Variants in PTPRM observed in about 807,000 individuals in gnomAD.
The protein encoded by PTPRM is protein tyrosine phosphatase receptor type M, also known as receptor-type tyrosine-protein phosphatase mu.
PTPRM carries 47 observed loss-of-function variants against 186.7 expected under a neutral mutation model. That is an observed-to-expected ratio of 0.25 (90% confidence interval 0.20 to 0.32). The LOEUF (loss-of-function observed/expected upper bound fraction) is 0.32. PTPRM is among the 10% of genes least tolerant of loss of function. The probability of loss-of-function intolerance (pLI) is 1.00; values close to 1 mark genes in which losing one functional copy is unlikely to be tolerated. For synonymous variants in PTPRM, 668 were observed against 674.9 expected, an observed-to-expected ratio of 0.99 and a Z score of 0.16; for missense variants, 1,494 against 1,865.0, an observed-to-expected ratio of 0.80 and a Z score of 3.66.
intron 13 of PTPRM, among the ~76,000 whole-genome samples, chr18:8,125,580 A>G (rs1361017223): frequency 6.6e-6 from 1 of 151,900 alleles, no homozygotes; most frequent in Non-Finnish European, 1.5e-5. Flanking sequence ...AATTGATTTC[A>G]TTTCCCGTTA....
At chr18:8,112,354 G>A (rs575709700) in intron 11 of PTPRM, among the ~76,000 whole-genome samples, 4 of 152,324 alleles carry the variant, frequency 2.6e-5, no homozygotes, top group South Asian at 2.1e-4. Context: ...TCACATAGAC[G>A]AGAGTGTAGA....
At chr18:8,100,895 A>G (rs2091263371) in intron 11 of PTPRM, among the ~76,000 whole-genome samples, 1 of 152,178 alleles carries the variant, frequency 6.6e-6, no homozygotes, top group African/African-American at 2.4e-5. Context: ...ACTGCCTTTT[A>G]TCTTCTATGC....
intron 11 of PTPRM, among the ~76,000 whole-genome samples, chr18:8,096,877 A>T (rs1426219912): frequency 2.0e-5 from 3 of 152,220 alleles, no homozygotes; most frequent in African/African-American, 7.2e-5. Flanking sequence ...GCAAATTCCA[A>T]GAGACTGATA....
At chr18:7,641,735 A>C (rs182132386) in intron 1 of PTPRM, among the ~76,000 whole-genome samples, 12 of 152,354 alleles carry the variant, frequency 7.9e-5, no homozygotes, top group African/African-American at 2.6e-4. Context: ...ACTTTTTATG[A>C]TCAGAGAAAA....
intron 19 of PTPRM, among the ~76,000 whole-genome samples, chr18:8,265,785 G>A (rs938402245): frequency 4.6e-5 from 7 of 152,092 alleles, no homozygotes; most frequent in East Asian, 1.9e-4. Flanking sequence ...AGGAAATCAC[G>A]GAACTTCCAT....
chr18:8,211,377 C>CTTTTTTTTTTTTTTTTTTTTTTTTTT (rs970926126), intron 14 of PTPRM, among the ~76,000 whole-genome samples: 21 of 87,228 alleles, frequency 2.4e-4, no homozygotes, highest in East Asian at 3.7e-4. Context: ...GTCTCTTCTT[C>CTTTTTTTTTTTTTTTTTTTTTTTTTT]TTTTTTTTTT....
rs181304535 is a variant in PTPRM, at chr18:7,990,357, T to C, written c.1132+34943T>C. Among the ~76,000 whole-genome samples the C allele has an allele frequency of 3.3e-5, 5 of 152,344 alleles. No homozygotes were observed. In the East Asian group the frequency reaches 9.6e-4, roughly 29 times the overall value. On this transcript the variant is annotated intron_variant, in intron 7 of 32. Coordinates refer to ENST00000580170, the MANE Select transcript of PTPRM (RefSeq NM_001105244.2). Reference sequence around the variant, plus strand: ...TGTGTTCTGTGGTTTGATTCTCCTGTTCCTTCACTGTAGCTAGTTTATTTT... The same window carrying C: ...TGTGTTCTGTGGTTTGATTCTCCTGCTCCTTCACTGTAGCTAGTTTATTTT...
intron 7 of PTPRM, among the ~76,000 whole-genome samples, chr18:8,018,554 TAATC>T (rs769681073): frequency 4.6e-5 from 7 of 152,098 alleles, no homozygotes; most frequent in African/African-American, 7.2e-5. Flanking sequence ...AAAGGAAAAA[TAATC>T]AATCCACAAT....
chr18:8,072,378 CTTTG>C (rs1371931741), intron 8 of PTPRM, among the ~76,000 whole-genome samples: 2 of 152,160 alleles, frequency 1.3e-5, no homozygotes, highest in Admixed American at 6.5e-5. Flanking sequence ...GACAGAATTA[CTTTG>C]TTTGTTTAAA....
At chr18:7,914,965 C>G (rs1271856977) in intron 4 of PTPRM, among the ~76,000 whole-genome samples, 1 of 152,140 alleles carries the variant, frequency 6.6e-6, no homozygotes, top group Non-Finnish European at 1.5e-5. Context: ...GGGGTTAGGA[C>G]ATAGTCCTCT....
intron 13 of PTPRM, among the ~76,000 whole-genome samples, chr18:8,126,027 A>ATATATATTT (rs57751538): frequency 1.0e-3 from 72 of 69,478 alleles, no homozygotes; most frequent in Non-Finnish European, 1.4e-3. Context: ...ATATATATAT[A>ATATATATTT]TTTTAAATCA....
chr18:7,990,782 C>T (rs8089170), intron 7 of PTPRM, among the ~76,000 whole-genome samples: 11,087 of 152,112 alleles, frequency 0.073, 519 homozygotes, highest in Middle Eastern at 0.27. Context: ...CAAGGATAGA[C>T]TCTGTGTTAA....
chr18:8,097,202 A>G (rs1041734948), intron 11 of PTPRM, among the ~76,000 whole-genome samples: 1 of 152,200 alleles, frequency 6.6e-6, no homozygotes, highest in African/African-American at 2.4e-5. Flanking sequence ...AGTATATTAT[A>G]TTATGCTTGT....
intron 21 of PTPRM, 104 bp downstream of exon 21, chr18:8,314,961 A>T (rs1195495665): frequency 8.3e-6 from 6 of 719,796 alleles, no homozygotes; most frequent in African/African-American, 5.4e-5. Context: ...ATTAAATCAG[A>T]GTATAAAACT....
chr18:7,697,962 A>G (rs1250092140), intron 1 of PTPRM, among the ~76,000 whole-genome samples: 1 of 152,240 alleles, frequency 6.6e-6, no homozygotes, highest in African/African-American at 2.4e-5. Flanking sequence ...CATTGCTGTC[A>G]TTTTGTTCTG....
At position 7,842,930 on chromosome 18, in the gene PTPRM, G is replaced by GTATATATATA. The variant is rs1555616949; in HGVS notation, c.197-45167_197-45158dup. On this transcript the variant is annotated intron_variant, in intron 2 of 32. Coordinates refer to ENST00000580170, the MANE Select transcript of PTPRM (RefSeq NM_001105244.2). The stretch of plus-strand genomic sequence containing the variant: ...CTCATATGTGTGTGTGTGTGTGTGT[G>GTATATATATA]TATATATATATATATATAGAGAGAG... Among the ~76,000 whole-genome samples the GTATATATATA allele has an allele frequency of 7.7e-4, 78 of 100,914 alleles. 1 individual carries two copies. Among genetic ancestry groups the GTATATATATA allele is most frequent in the East Asian group, 7.5e-3 (21 of 2,812 alleles). 66.2% of individuals were successfully genotyped at this position (100,914 alleles called of 152,430 possible).
chr18:8,380,184 T>G, intron 28 of PTPRM, 112 bp from the exon 29 acceptor site: 5 of 1,176,544 alleles, frequency 4.2e-6, no homozygotes, highest in Non-Finnish European at 6.1e-6. Flanking sequence ...TCAACAGCTG[T>G]TAAACATGTT....
chr18:8,063,511 G>A (rs971772839), intron 7 of PTPRM, among the ~76,000 whole-genome samples: 1 of 152,188 alleles, frequency 6.6e-6, no homozygotes, highest in African/African-American at 2.4e-5. Context: ...ATCATTCAGG[G>A]AGAATAAAAT....
intron 5 of PTPRM, among the ~76,000 whole-genome samples, chr18:7,948,025 C>T (rs553853250): frequency 5.9e-5 from 9 of 152,004 alleles, no homozygotes; most frequent in South Asian, 2.1e-4. Flanking sequence ...TTGGGCATTA[C>T]GCTTGGCATA....
Sources: gnomAD v4.1 joint callset for allele counts (sites outside exome capture counted in the v4.1 genomes callset) on GRCh38, gnomAD v4.1.1 for gene constraint, MANE v1.5 for transcripts, NCBI Gene and HGNC (gene_info 2026-07-23, HGNC 2026-07-21) for gene names.